PLPP4: variants seen among roughly 807,000 people sequenced by gnomAD.
PLPP4 encodes phospholipid phosphatase 4, also known as diacylglycerol pyrophosphate like 2.
In PLPP4, 20 loss-of-function variants were observed where a neutral mutation model predicts 32.2. The observed-to-expected ratio is 0.62, with a 90% CI of 0.44 to 0.90. The LOEUF is 0.90. Ranked by LOEUF, PLPP4 falls within the 40% of genes least tolerant of loss-of-function variation. The pLI is 0.00. For synonymous variants in PLPP4, 127 were observed against 133.0 expected (o/e 0.95, Z 0.31); for missense variants, 257 against 353.1 (o/e 0.73, Z 2.18).
chr10:120,500,150 C>G (rs1845174054), intron 1 of PLPP4, among the ~76,000 whole-genome samples: 1 of 152,110 alleles, frequency 6.6e-6, no homozygotes, highest in South Asian at 2.1e-4. Flanking sequence ...TGCAGCTACT[C>G]AGGGTAGAGT....
chr10:120,585,713 G>A (rs1049823067), intron 6 of PLPP4, among the ~76,000 whole-genome samples: 12 of 152,346 alleles, frequency 7.9e-5, no homozygotes, highest in African/African-American at 2.4e-4. Context: ...ATTTCTCAGC[G>A]TGGAAGATTC....
intron 5 of PLPP4, among the ~76,000 whole-genome samples, chr10:120,535,163 T>A (rs573659074): frequency 4.4e-4 from 67 of 152,318 alleles, no homozygotes; most frequent in Middle Eastern, 3.4e-3. Context: ...CCCCACAATA[T>A]GAGACCTGTG....
intron 5 of PLPP4, among the ~76,000 whole-genome samples, chr10:120,528,209 G>A (rs1422208539): frequency 6.6e-6 from 1 of 151,800 alleles, no homozygotes. Flanking sequence ...CAAGTAGCTG[G>A]GACTACAGGC....
Position 120,575,113 on chromosome 10 carries a change from G to A in PLPP4, c.446-18G>A. On this transcript the variant is annotated intron_variant, in intron 5 of 6. Coordinates refer to ENST00000398250, the MANE Select transcript of PLPP4 (RefSeq NM_001030059.3). Reference sequence around the variant, plus strand: ...CTCACCACCTGCTAGAGTAACACCTGCTGTTTCTGTTTGGCAGTTGCCTTT... The same window carrying A: ...CTCACCACCTGCTAGAGTAACACCTACTGTTTCTGTTTGGCAGTTGCCTTT... 6.2e-7 allele frequency: 1 copy of A among 1,609,170 alleles called. No individual in the cohort carries two copies. Among genetic ancestry groups the A allele is most frequent in the Non-Finnish European group, 8.5e-7 (1 of 1,177,144 alleles).
chr10:120,478,723 A>G (rs7475296), intron 1 of PLPP4, among the ~76,000 whole-genome samples: 1 of 152,202 alleles, frequency 6.6e-6, no homozygotes, highest in South Asian at 2.1e-4. Flanking sequence ...GCATTTTCCT[A>G]TGCCAAATAT....
intron 1 of PLPP4, among the ~76,000 whole-genome samples, chr10:120,487,861 C>G (rs1323618751): frequency 6.6e-6 from 1 of 152,222 alleles, no homozygotes; most frequent in African/African-American, 2.4e-5. Flanking sequence ...CGTGAATGTC[C>G]TGGCTTCCAG....
At chr10:120,517,041 A>G (rs1024009652) in intron 3 of PLPP4, among the ~76,000 whole-genome samples, 1 of 152,160 alleles carries the variant, frequency 6.6e-6, no homozygotes, top group African/African-American at 2.4e-5. Flanking sequence ...CAGCTCAGCT[A>G]TTTCAGACTT....
At chr10:120,571,093 C>CAT (rs1195080968) in intron 5 of PLPP4, among the ~76,000 whole-genome samples, 1 of 144,576 alleles carries the variant, frequency 6.9e-6, no homozygotes, top group Non-Finnish European at 1.5e-5. Context: ...AGTAAAGGGG[C>CAT]GTGTGTGTGT....
intron 5 of PLPP4, among the ~76,000 whole-genome samples, chr10:120,563,544 TAATCCC>T (rs1340695120): frequency 6.7e-6 from 1 of 149,360 alleles, no homozygotes; most frequent in East Asian, 1.9e-4. Context: ...CTCACGCCTG[TAATCCC>T]AGCACTTTGG....
At chr10:120,483,198 A>G (rs1435228637) in intron 1 of PLPP4, among the ~76,000 whole-genome samples, 1 of 152,060 alleles carries the variant, frequency 6.6e-6, no homozygotes, top group Non-Finnish European at 1.5e-5. Context: ...GCTCTCAGAC[A>G]TTTGGCCACA....
At chr10:120,540,223 GC>G (rs1847275819) in intron 5 of PLPP4, among the ~76,000 whole-genome samples, 1 of 152,194 alleles carries the variant, frequency 6.6e-6, no homozygotes, top group African/African-American at 2.4e-5. Flanking sequence ...TCTCCCCAGG[GC>G]CTGTCCTGTG....
In PLPP4 at chr10:120,489,300, C is replaced by T. The variant is rs574145396; in HGVS notation, c.57-14518C>T. Among the ~76,000 whole-genome samples the T allele has an allele frequency of 3.8e-4, 58 of 152,280 alleles. 1 individual carries two copies. Among genetic ancestry groups the T allele is most frequent in the South Asian group, 2.9e-3 (14 of 4,828 alleles). ...ACCACACAGATGCTGTGGACCAGTTCGTCTTAATGAACCACTTGGCGAATG... is the reference window on the plus strand; with the variant it reads ...ACCACACAGATGCTGTGGACCAGTTTGTCTTAATGAACCACTTGGCGAATG... On this transcript the variant is annotated intron_variant, in intron 1 of 6. Coordinates refer to ENST00000398250, the MANE Select transcript of PLPP4 (RefSeq NM_001030059.3).
At chr10:120,549,083 CATT>C (rs141726828) in intron 5 of PLPP4, among the ~76,000 whole-genome samples, 37 of 150,280 alleles carry the variant, frequency 2.5e-4, no homozygotes, top group African/African-American at 7.1e-4. Context: ...CTGAACTTGC[CATT>C]ATTATTATTA....
intron 5 of PLPP4, among the ~76,000 whole-genome samples, chr10:120,533,354 A>C (rs1189839308): frequency 2.6e-5 from 4 of 152,098 alleles, no homozygotes; most frequent in African/African-American, 9.7e-5. Flanking sequence ...CCCATTTTTA[A>C]ATCCGGTTTT....
At chr10:120,491,133 C>T (rs1327160510) in intron 1 of PLPP4, among the ~76,000 whole-genome samples, 1 of 152,152 alleles carries the variant, frequency 6.6e-6, no homozygotes, top group Non-Finnish European at 1.5e-5. Flanking sequence ...GCTGCTGGCC[C>T]TGCTGGGTGA....
chr10:120,495,479 C>T (rs1052114457), intron 1 of PLPP4, among the ~76,000 whole-genome samples: 22 of 152,158 alleles, frequency 1.4e-4, no homozygotes, highest in African/African-American at 5.1e-4. Flanking sequence ...TTTCTGCTGA[C>T]CACATCGGAT....
intron 6 of PLPP4, among the ~76,000 whole-genome samples, chr10:120,575,920 A>G (rs2134057143): frequency 6.6e-6 from 1 of 152,314 alleles, no homozygotes; most frequent in South Asian, 2.1e-4. Context: ...ACTGCAGCTC[A>G]CAGTCTGTCT....
intron 1 of PLPP4, among the ~76,000 whole-genome samples, chr10:120,477,500 G>A (rs1441274049): frequency 1.3e-5 from 2 of 151,948 alleles, no homozygotes; most frequent in South Asian, 4.2e-4. Context: ...TTTTCTGCTC[G>A]CTGAGCTGGA....
At chr10:120,547,320 T>C (rs1222412152) in intron 5 of PLPP4, among the ~76,000 whole-genome samples, 2 of 152,120 alleles carry the variant, frequency 1.3e-5, no homozygotes, top group African/African-American at 2.4e-5. Flanking sequence ...TGAGAACCTA[T>C]TATTTAATAA....
Sources: allele counts gnomAD v4.1 joint callset (sites outside exome capture counted in the v4.1 genomes callset), GRCh38; gene constraint gnomAD v4.1.1; transcripts MANE v1.5; gene names NCBI Gene and HGNC (gene_info 2026-07-23, HGNC 2026-07-21).